Variants in AFG1L observed in about 807,000 individuals in gnomAD.
AFG1L encodes the protein AFG1-like ATPase.
AFG1L carries 53 observed loss-of-function variants against 62.2 expected under a neutral mutation model. The ratio of observed to expected loss-of-function variants is 0.85; its 90% CI spans 0.68 to 1.07. The LOEUF is 1.07. Among genes scored for constraint, AFG1L ranks in the 50% least tolerant of loss-of-function variants. The probability of loss-of-function intolerance (pLI) is 0.00; values close to 1 mark genes in which losing one functional copy is unlikely to be tolerated. For missense variants in AFG1L, 555 were observed against 590.5 expected (o/e 0.94, Z 0.62); for synonymous variants, 228 against 210.3 (o/e 1.08, Z -0.73).
At chr6:108,356,276 CT>C (rs1284037107) in intron 4 of AFG1L, among the ~76,000 whole-genome samples, 1 of 152,134 alleles carries the variant, frequency 6.6e-6, no homozygotes, top group Non-Finnish European at 1.5e-5. Flanking sequence ...GTGGACTGGC[CT>C]TAGTGTATTA....
At chr6:108,436,499 A>G (rs1352342761) in intron 7 of AFG1L, among the ~76,000 whole-genome samples, 1 of 152,198 alleles carries the variant, frequency 6.6e-6, no homozygotes, top group Non-Finnish European at 1.5e-5. Flanking sequence ...GCTATTTCTC[A>G]GGAAAGCAAG....
chr6:108,402,467 T>TAAA (rs55775052), intron 7 of AFG1L, among the ~76,000 whole-genome samples: 25 of 91,150 alleles, frequency 2.7e-4, no homozygotes, highest in Admixed American at 3.5e-4. Context: ...CCGTCTCGAA[T>TAAA]AAAAAAAAAA....
chr6:108,406,234 A>G (rs545425559), intron 7 of AFG1L, among the ~76,000 whole-genome samples: 44 of 151,498 alleles, frequency 2.9e-4, no homozygotes, highest in Middle Eastern at 6.9e-3. Flanking sequence ...GCTGTACCAT[A>G]TTACGTTCCC....
At chr6:108,389,397 T>C (rs1780941983) in intron 6 of AFG1L, among the ~76,000 whole-genome samples, 3 of 152,222 alleles carry the variant, frequency 2.0e-5, no homozygotes, top group Admixed American at 1.3e-4. Flanking sequence ...AATATTGTTA[T>C]GTGTGAATTT....
chr6:108,476,622 G>A (rs765555644), intron 8 of AFG1L, among the ~76,000 whole-genome samples: 5 of 152,138 alleles, frequency 3.3e-5, no homozygotes, highest in Non-Finnish European at 4.4e-5. Flanking sequence ...TGCCTGTATC[G>A]TCTCATTACT....
At chr6:108,491,524 G>C (rs1256034704) in intron 10 of AFG1L, among the ~76,000 whole-genome samples, 2 of 152,158 alleles carry the variant, frequency 1.3e-5, no homozygotes, top group African/African-American at 2.4e-5. Flanking sequence ...CTTTACAGCT[G>C]AGCTTTTCTC....
chr6:108,332,696 CT>C (rs1778320336), intron 2 of AFG1L, among the ~76,000 whole-genome samples: 2 of 152,088 alleles, frequency 1.3e-5, no homozygotes, highest in African/African-American at 2.4e-5. Context: ...CAGCCTTGAC[CT>C]CCCAGGCTCA....
At position 108,522,439 on chromosome 6, in the gene AFG1L, A is replaced by G. The variant is rs1009574413; in HGVS notation, c.*14A>G. 13 of 1,604,330 alleles carry G rather than the reference A, an allele frequency of 8.1e-6. No individual in the cohort carries two copies. The highest frequency in any genetic ancestry group is 1.3e-5 in the African/African-American group (1 of 74,820). Reference sequence around the variant, plus strand: ...ACCAAGAAGTAACTGCCACTTTTGCATAAATAAAACTCTAGACAAATGGTT... The same window carrying G: ...ACCAAGAAGTAACTGCCACTTTTGCGTAAATAAAACTCTAGACAAATGGTT... On this transcript the variant is annotated 3_prime_UTR_variant, in exon 13 of 13. Transcript: ENST00000368977.
At chr6:108,489,376 G>T (rs1050988617) in intron 10 of AFG1L, among the ~76,000 whole-genome samples, 1 of 152,222 alleles carries the variant, frequency 6.6e-6, no homozygotes, top group Non-Finnish European at 1.5e-5. Context: ...GATTTTCGCT[G>T]CTACGCATCA....
At chr6:108,489,796 G>T (rs560920325) in intron 10 of AFG1L, among the ~76,000 whole-genome samples, 1 of 152,180 alleles carries the variant, frequency 6.6e-6, no homozygotes, top group African/African-American at 2.4e-5. Context: ...GGAGAACGGG[G>T]CTTACAAACA....
At chr6:108,477,789 T>C (rs557220396) in intron 10 of AFG1L, among the ~76,000 whole-genome samples, 1 of 152,276 alleles carries the variant, frequency 6.6e-6, no homozygotes, top group African/African-American at 2.4e-5. Context: ...ATATTATATA[T>C]TAAATAATAT....
At position 108,440,000 on chromosome 6, in the gene AFG1L, CTA is replaced by C. The variant is rs1771471300; in HGVS notation, c.808-7207_808-7206del. Among the ~76,000 whole-genome samples the C allele has an allele frequency of 2.0e-5, 3 of 152,102 alleles. No individual in the cohort carries two copies. The South Asian group carries it at 6.2e-4, about 32-fold the overall frequency. On this transcript the variant is annotated intron_variant, in intron 7 of 12. Coordinates refer to ENST00000368977, the MANE Select transcript of AFG1L (RefSeq NM_145315.5). ...GATATCAAAAAAATTAAGCATAGAA[CTA>C]TATATAATATGATAGATGTCTACCT...
intron 1 of AFG1L, among the ~76,000 whole-genome samples, chr6:108,305,966 C>T (rs889483017): frequency 2.6e-5 from 4 of 152,038 alleles, no homozygotes; most frequent in South Asian, 4.1e-4. Context: ...TGCAGTGGTG[C>T]GATCTTGGCT....
chr6:108,384,685 G>C (rs1294063278), intron 6 of AFG1L, among the ~76,000 whole-genome samples: 1 of 152,118 alleles, frequency 6.6e-6, no homozygotes, highest in Non-Finnish European at 1.5e-5. Flanking sequence ...GCAATTGCTG[G>C]GAGAGGGTGA....
At chr6:108,432,723 C>T (rs978267952) in intron 7 of AFG1L, among the ~76,000 whole-genome samples, 2 of 152,314 alleles carry the variant, frequency 1.3e-5, no homozygotes, top group Non-Finnish European at 2.9e-5. Context: ...GCCAGTGGTT[C>T]TCAATCCTGG....
chr6:108,330,482 C>A (rs1332648919), intron 2 of AFG1L, among the ~76,000 whole-genome samples: 1 of 152,020 alleles, frequency 6.6e-6, no homozygotes, highest in East Asian at 1.9e-4. Context: ...CTCATAAATT[C>A]CTTTTCTTTA....
chr6:108,449,003 G>C (rs1000132823), intron 8 of AFG1L, among the ~76,000 whole-genome samples: 1 of 151,858 alleles, frequency 6.6e-6, no homozygotes, highest in Non-Finnish European at 1.5e-5. Context: ...TTAAAAAATA[G>C]TGGGTGTGGT....
chr6:108,379,961 A>C (rs1562120570), intron 6 of AFG1L, among the ~76,000 whole-genome samples: 1 of 149,638 alleles, frequency 6.7e-6, no homozygotes, highest in African/African-American at 2.5e-5. Flanking sequence ...GGGCAGGTCA[A>C]GCTGCCGATC....
At chr6:108,396,716 C>G (rs1469064788) in intron 6 of AFG1L, among the ~76,000 whole-genome samples, 3 of 152,056 alleles carry the variant, frequency 2.0e-5, no homozygotes, top group African/African-American at 7.2e-5. Context: ...GTCTTGAACT[C>G]CTGACCTCAA....
Sources: allele counts gnomAD v4.1 joint callset (sites outside exome capture counted in the v4.1 genomes callset), GRCh38; gene constraint gnomAD v4.1.1; transcripts MANE v1.5; gene names NCBI Gene and HGNC (gene_info 2026-07-23, HGNC 2026-07-21).